The following GPHN variants were observed in gnomAD, a reference collection of about 807,000 sequenced individuals.
The protein encoded by GPHN is gephyrin.
Under a neutral mutation model 95.5 loss-of-function variants are expected in GPHN, and 17 were observed. The observed-to-expected ratio is 0.18, with a 90% CI of 0.12 to 0.27. GPHN has a LOEUF of 0.27. GPHN is among the 10% of genes least tolerant of loss of function. GPHN has a pLI of 1.00. For missense variants in GPHN, 660 were observed against 978.1 expected (o/e 0.67, Z 4.34); for synonymous variants, 320 against 322.5 (o/e 0.99, Z 0.08).
chr14:67,576,399 CGTGGCTCTACCACCTCACA>C, the GPHN span: 1 of 1,590,784 alleles, frequency 6.3e-7, no homozygotes, highest in Non-Finnish European at 8.6e-7. The surrounding 1 kb of genome is among the most constrained non-coding windows in gnomAD (Gnocchi z 4.0). Context: ...TTCCAGGATA[CGTGGCTCTACCACCTCACA>C]GTGGCTGCAG....
the GPHN span, chr14:67,663,317 A>C: frequency 3.2e-6 from 2 of 628,294 alleles, no homozygotes; most frequent in Non-Finnish European, 5.3e-6. Context: ...AGCAAGTTTC[A>C]TTTTTAAATA....
At chr14:66,616,906 C>T (rs944684998) in intron 1 of GPHN, among the ~76,000 whole-genome samples, 1 of 152,124 alleles carries the variant, frequency 6.6e-6, no homozygotes, top group Non-Finnish European at 1.5e-5. Context: ...CAGGGTTTCA[C>T]CATGTTGGCC....
the GPHN span, chr14:67,585,722 T>C: frequency 8.0e-7 from 1 of 1,256,774 alleles, no homozygotes; most frequent in Non-Finnish European, 1.1e-6. Flanking sequence ...TTCTCCTCTG[T>C]GGACTCAAAA....
chr14:66,907,650 C>T (rs1306471064), intron 5 of GPHN, among the ~76,000 whole-genome samples: 1 of 152,092 alleles, frequency 6.6e-6, no homozygotes, highest in East Asian at 1.9e-4. Context: ...AAAACAACCT[C>T]ATGGAAGCGG....
the GPHN span, among the ~76,000 whole-genome samples, chr14:67,257,408 G>T: frequency 6.6e-6 from 1 of 152,108 alleles, no homozygotes; most frequent in African/African-American, 2.4e-5. Flanking sequence ...CCAGGAGACA[G>T]GTTTGTCTGA....
At chr14:67,028,110 T>G (rs2074016605) in intron 10 of GPHN, among the ~76,000 whole-genome samples, 1 of 152,194 alleles carries the variant, frequency 6.6e-6, no homozygotes. Flanking sequence ...TCCCACAGAT[T>G]AATGAGAACT....
the GPHN span, among the ~76,000 whole-genome samples, chr14:67,633,063 G>A: frequency 6.6e-6 from 1 of 151,724 alleles, no homozygotes; most frequent in African/African-American, 2.4e-5. Context: ...CTCGTGATCC[G>A]CCCGCCTCGG....
chr14:66,613,410 C>T (rs1005616829), intron 1 of GPHN, among the ~76,000 whole-genome samples: 1 of 152,042 alleles, frequency 6.6e-6, no homozygotes, highest in Non-Finnish European at 1.5e-5. Flanking sequence ...AAATCACCAA[C>T]AAAATGCATC....
At chr14:66,750,453 C>T (rs751602274) in intron 2 of GPHN, among the ~76,000 whole-genome samples, 5 of 151,822 alleles carry the variant, frequency 3.3e-5, no homozygotes, top group East Asian at 1.9e-4. Context: ...AGGACCAGGA[C>T]ACCAGTAGTA....
At chr14:66,988,915 A>G (rs1004113629) in intron 9 of GPHN, among the ~76,000 whole-genome samples, 3 of 152,088 alleles carry the variant, frequency 2.0e-5, no homozygotes, top group Non-Finnish European at 4.4e-5. Flanking sequence ...GGTTATTACC[A>G]TTCATTTAAT....
the GPHN span, among the ~76,000 whole-genome samples, chr14:67,468,513 C>A: frequency 6.6e-6 from 1 of 152,180 alleles, no homozygotes; most frequent in Non-Finnish European, 1.5e-5. Context: ...TTAGTGTTAG[C>A]TCTCCTGGGG....
At chr14:67,275,963 G>A in the GPHN span, among the ~76,000 whole-genome samples, 1 of 152,072 alleles carries the variant, frequency 6.6e-6, no homozygotes, top group African/African-American at 2.4e-5. Context: ...GGTTGGTGGT[G>A]ATACCCCCTT....
intron 11 of GPHN, among the ~76,000 whole-genome samples, chr14:67,081,848 A>G (rs1432729050): frequency 6.6e-6 from 1 of 152,194 alleles, no homozygotes; most frequent in Non-Finnish European, 1.5e-5. Context: ...CATTTGTTGA[A>G]TAGGGTGTCC....
chr14:66,847,401 CATTTT>C (rs2062382026), intron 4 of GPHN, among the ~76,000 whole-genome samples: 1 of 152,008 alleles, frequency 6.6e-6, no homozygotes, highest in African/African-American at 2.4e-5. Flanking sequence ...TTATTAAACT[CATTTT>C]ATTAATAATA....
chr14:66,910,651 T>G (rs892483647), intron 5 of GPHN, among the ~76,000 whole-genome samples: 36 of 152,014 alleles, frequency 2.4e-4, no homozygotes, highest in Admixed American at 6.6e-5. Flanking sequence ...TATATATGTC[T>G]CTATGTATGT....
chr14:66,608,550 T>G (rs561330726), intron 1 of GPHN, among the ~76,000 whole-genome samples: 342 of 152,256 alleles, frequency 2.2e-3, no homozygotes, highest in African/African-American at 7.7e-3. Context: ...GTTAGTTTTC[T>G]TCCTCAGTGA....
intron 2 of GPHN, among the ~76,000 whole-genome samples, chr14:66,739,877 T>TA (rs541413673): frequency 1.9e-3 from 290 of 151,792 alleles, no homozygotes; most frequent in Non-Finnish European, 3.4e-3. Context: ...AGCAAAAGCC[T>TA]AAAAAAAATC....
At chr14:66,561,566 A>C (rs1241006675) in intron 1 of GPHN, among the ~76,000 whole-genome samples, 1 of 152,138 alleles carries the variant, frequency 6.6e-6, no homozygotes, top group Non-Finnish European at 1.5e-5. Flanking sequence ...ATGTTGAAGA[A>C]ATAGGGTACC....
At chr14:67,711,229 A>G in the GPHN span, among the ~76,000 whole-genome samples, 1 of 152,214 alleles carries the variant, frequency 6.6e-6, no homozygotes, top group African/African-American at 2.4e-5. Context: ...TATTTATTAA[A>G]GATTACACAA....
Sources: allele counts gnomAD v4.1 joint callset (sites outside exome capture counted in the v4.1 genomes callset), GRCh38; gene constraint gnomAD v4.1.1; non-coding constraint Gnocchi (gnomAD v3.1); transcripts MANE v1.5; gene names NCBI Gene and HGNC (gene_info 2026-07-23, HGNC 2026-07-21).